Variants in ACACB observed in about 807,000 individuals in gnomAD.
ACACB encodes acetyl-CoA carboxylase beta.
In ACACB, 209 loss-of-function variants were observed where a neutral mutation model predicts 278.8. The ratio of observed to expected loss-of-function variants is 0.75; its 90% CI spans 0.67 to 0.84. The LOEUF is 0.84. ACACB is among the 40% of genes least tolerant of loss of function. The pLI is 0.00. For synonymous variants in ACACB, 1,174 were observed against 1,285.6 expected (o/e 0.91, Z 1.86); for missense variants, 2,850 against 3,269.0 (o/e 0.87, Z 3.13).
chr12:109,137,212 T>A (rs547146686), intron 1 of ACACB, among the ~76,000 whole-genome samples: 1 of 152,236 alleles, frequency 6.6e-6, no homozygotes, highest in Non-Finnish European at 1.5e-5. Flanking sequence ...AAAAAACCCC[T>A]CTGACCCTGT....
chr12:109,241,429 A>G, intron 36 of ACACB, 148 bp downstream of exon 36: 2 of 738,920 alleles, frequency 2.7e-6, no homozygotes, highest in Non-Finnish European at 4.5e-6. Flanking sequence ...TCTGAGTGTT[A>G]TGTTAAATGT....
rs764814103 is a variant in ACACB at position 109,185,731 on chromosome 12, C to T, written c.1971C>T (p.Asn657=). ...HVIAARITSE[N]PDEGFKPSSG... ...TTGCCGCCAGAATCACCAGCGAAAA[C>T]CCAGACGAGGCAAGTTATGGGGGCC... Residue 657 remains asparagine (N), a synonymous_variant, in exon 12 of 53, where the codon AAC becomes AAT. Transcript: ENST00000338432. The T allele has an allele frequency of 1.2e-6, 2 of 1,609,636 alleles. No homozygotes were observed. Among genetic ancestry groups the T allele is most frequent in the Non-Finnish European group, 1.7e-6 (2 of 1,177,034 alleles).
At position 109,216,982 on chromosome 12, in the gene ACACB, T is replaced by C. The variant is rs2046021536; in HGVS notation, c.3564+62T>C. 5.1e-6 allele frequency: 8 copies of C among 1,570,226 alleles called. No homozygotes were observed. In the South Asian group the frequency reaches 9.4e-5, roughly 18 times the overall value. On this transcript the variant is annotated intron_variant, in intron 24 of 52. Transcript: ENST00000338432. ...GGGTCAGGAGTCCACAAACGTTTTCTTAAAAGGGCCAGAAAGTGGCTGGGT... is the reference window on the plus strand; with the variant it reads ...GGGTCAGGAGTCCACAAACGTTTTCCTAAAAGGGCCAGAAAGTGGCTGGGT...
At chr12:109,194,502 C>CTG (rs1425557558) in intron 16 of ACACB, among the ~76,000 whole-genome samples, 12 of 73,036 alleles carry the variant, frequency 1.6e-4, no homozygotes, top group South Asian at 1.5e-3. Context: ...ACCTCTGCCT[C>CTG]TGTGTGTGCA....
In ACACB at chr12:109,121,359, G is replaced by A. The variant is rs11065613; in HGVS notation, c.-10+4655G>A. Among the ~76,000 whole-genome samples, 644 of 152,294 alleles carry A rather than the reference G, an allele frequency of 4.2e-3. 6 individuals carry two copies. The highest frequency in any genetic ancestry group is 0.014 in the African/African-American group (596 of 41,558). ...CAGAGTTGCAAATAGACTGGGGAAGGGGTCGGGGGAGATGAAGTCAGAAAT... is the reference window on the plus strand; with the variant it reads ...CAGAGTTGCAAATAGACTGGGGAAGAGGTCGGGGGAGATGAAGTCAGAAAT... On this transcript the variant is annotated intron_variant, in intron 1 of 52. Coordinates refer to ENST00000338432, the MANE Select transcript of ACACB (RefSeq NM_001093.4).
chr12:109,234,863 G>C (rs1001982667), intron 31 of ACACB, among the ~76,000 whole-genome samples: 13 of 152,022 alleles, frequency 8.6e-5, no homozygotes, highest in African/African-American at 2.9e-4. Flanking sequence ...AACCACCATG[G>C]CACATATATA....
At chr12:109,122,594 AAAAG>A (rs2042576365) in intron 1 of ACACB, among the ~76,000 whole-genome samples, 2 of 151,570 alleles carry the variant, frequency 1.3e-5, no homozygotes, top group Non-Finnish European at 2.9e-5. Context: ...AAAAAAAAAA[AAAAG>A]ATGCTGAATA....
chr12:109,160,744 A>C (rs7295784), intron 2 of ACACB, among the ~76,000 whole-genome samples: 71,057 of 151,824 alleles, frequency 0.47, 18,130 homozygotes, highest in Middle Eastern at 0.67. Flanking sequence ...TAAAATAGCC[A>C]CTTGCCTGGA....
Position 109,201,674 on chromosome 12 carries a change from G to A in ACACB, c.2886G>A (p.Glu962=), listed in dbSNP as rs1160417778. The A allele has an allele frequency of 1.4e-5, 23 of 1,614,056 alleles. No homozygotes were observed. The highest frequency in any genetic ancestry group is 1.9e-5 in the Non-Finnish European group (23 of 1,180,050). ...LEAGCVVARL[E]LDDPSKVHPA... ...CAGGCTGCGTGGTGGCCAGGCTGGA[G>A]CTCGATGACCCTTCTAAAGTCCACC... Residue 962 remains glutamate, a synonymous_variant, in exon 19 of 53, where the codon GAG becomes GAA. Coordinates refer to ENST00000338432, the MANE Select transcript of ACACB (RefSeq NM_001093.4).
At chr12:109,201,834 G>C in intron 19 of ACACB, 133 bp downstream of exon 19, 3 of 1,240,768 alleles carry the variant, frequency 2.4e-6, no homozygotes, top group Non-Finnish European at 3.3e-6. Flanking sequence ...GCTCGTCGCA[G>C]CAGCCACCGT....
intron 37 of ACACB, among the ~76,000 whole-genome samples, chr12:109,243,625 A>C (rs2046860640): frequency 1.3e-5 from 2 of 152,042 alleles, no homozygotes; most frequent in African/African-American, 4.8e-5. Context: ...ACAAAAAAAT[A>C]ATGTTTTATT....
rs768584765 is a variant in ACACB, at chr12:109,237,206, G to A, written c.4488G>A (p.Leu1496=). The change falls in exon 34 of 53, where the codon CTG becomes CTA. Residue 1496 remains leucine (L), a synonymous_variant. Coordinates refer to ENST00000338432, the MANE Select transcript of ACACB (RefSeq NM_001093.4). ...DRIYRHLEPA[L]AFQLELNRMR... The stretch of plus-strand genomic sequence containing the variant: ...TTTACCGTCACTTGGAACCTGCCCT[G>A]GCCTTCCAGCTGGAACTTAACCGGA... 1.9e-6 allele frequency: 3 copies of A among 1,613,966 alleles called. No individual in the cohort carries two copies. Among genetic ancestry groups the A allele is most frequent in the East Asian group, 4.5e-5 (2 of 44,900 alleles).
In ACACB at chr12:109,196,988, C is replaced by T. The variant is rs188244347; in HGVS notation, c.2482-20C>T. ...AGCACATCCTGAACCCAGGCGGTGACAAGGGGCTTGTCCCCACAGGTGGCC... is the reference window on the plus strand; with the variant it reads ...AGCACATCCTGAACCCAGGCGGTGATAAGGGGCTTGTCCCCACAGGTGGCC... On this transcript the variant is annotated intron_variant, in intron 16 of 52. Coordinates refer to ENST00000338432, the MANE Select transcript of ACACB (RefSeq NM_001093.4). 2 of 1,531,046 alleles carry T rather than the reference C, an allele frequency of 1.3e-6. No homozygotes were observed. The highest frequency in any genetic ancestry group is 5.1e-5 in the East Asian group (2 of 38,872). 94.8% of individuals were successfully genotyped at this position (1,531,046 alleles called of 1,614,324 possible). A position where few individuals can be genotyped will look rare whatever the true frequency, so the allele number is the denominator to read the frequency against.
At chr12:109,264,586 G>T (rs907227449) in intron 50 of ACACB, among the ~76,000 whole-genome samples, 200 bp downstream of exon 50, 1 of 152,132 alleles carries the variant, frequency 6.6e-6, no homozygotes, top group Admixed American at 6.5e-5. Context: ...CAAACACCTG[G>T]ATGGAAGCCA....
intron 2 of ACACB, among the ~76,000 whole-genome samples, chr12:109,141,029 G>A (rs908655440): frequency 6.0e-5 from 9 of 151,252 alleles, no homozygotes; most frequent in African/African-American, 2.2e-4. Flanking sequence ...GCACTCCTGG[G>A]TAGCTGGGAC....
chr12:109,224,831 A>ATGAGATGACATCTTG (rs143596498), intron 27 of ACACB, among the ~76,000 whole-genome samples: 2 of 151,886 alleles, frequency 1.3e-5, no homozygotes. Flanking sequence ...TTAAGAAAAT[A>ATGAGATGACATCTTG]TGTTTTTAAC....
At chr12:109,137,297 T>A (rs1249591359) in intron 1 of ACACB, among the ~76,000 whole-genome samples, 2 of 152,194 alleles carry the variant, frequency 1.3e-5, no homozygotes, top group African/African-American at 4.8e-5. Context: ...GTACTTGGAT[T>A]GTTTAGTTCT....
rs140543882 is a variant in ACACB at position 109,212,704 on chromosome 12, C to T, written c.3250-132C>T. 6 of 700,076 alleles carry T rather than the reference C, an allele frequency of 8.6e-6. No homozygotes were observed. The African/African-American group carries it at 8.8e-5, about 10-fold the overall frequency. The allele number at this position is 700,076 out of a possible 1,614,324, so 43.4% of individuals were successfully genotyped here. A position where few individuals can be genotyped will look rare whatever the true frequency, so the allele number is the denominator to read the frequency against. ...TCCCTCACCCACTGCTTACCTCCCACTGTTCAGCCAGTTCCTAACAGGCCA... is the reference window on the plus strand; with the variant it reads ...TCCCTCACCCACTGCTTACCTCCCATTGTTCAGCCAGTTCCTAACAGGCCA... On this transcript the variant is annotated intron_variant, in intron 21 of 52. Transcript: ENST00000338432.
At chr12:109,232,895 G>C in intron 29 of ACACB, 89 bp downstream of exon 29, 2 of 1,510,084 alleles carry the variant, frequency 1.3e-6, no homozygotes, top group Non-Finnish European at 1.8e-6. Flanking sequence ...TGGACAGATG[G>C]GGTGGGAGAG....
Sources: allele counts gnomAD v4.1 joint callset (sites outside exome capture counted in the v4.1 genomes callset), GRCh38; gene constraint gnomAD v4.1.1; transcripts MANE v1.5; gene names NCBI Gene and HGNC (gene_info 2026-07-23, HGNC 2026-07-21).